OR6N1: variants seen among roughly 807,000 people sequenced by gnomAD.
The protein encoded by OR6N1 is olfactory receptor family 6 subfamily N member 1, also known as olfactory receptor 6N1.
For missense variants in OR6N1, 394 were observed against 371.7 expected, an observed-to-expected ratio of 1.06 and a Z score of -0.49; for synonymous variants, 170 against 150.7, an observed-to-expected ratio of 1.13 and a Z score of -0.94.
chr1:158,823,689 G>GT, the OR6N1 span, among the ~76,000 whole-genome samples: 4 of 150,858 alleles, frequency 2.7e-5, no homozygotes, highest in Non-Finnish European at 5.9e-5. Flanking sequence ...CTTTCATATG[G>GT]TTTTTTGTGT....
intron 1 of OR6N1, among the ~76,000 whole-genome samples, chr1:158,771,335 A>G (rs952539529): frequency 6.6e-6 from 1 of 152,180 alleles, no homozygotes; most frequent in African/African-American, 2.4e-5. Context: ...GAAACTTCAT[A>G]CCATGTCCTA....
the OR6N1 span, among the ~76,000 whole-genome samples, chr1:158,795,303 C>A: frequency 6.6e-6 from 1 of 152,166 alleles, no homozygotes; most frequent in African/African-American, 2.4e-5. Context: ...AAGACTTATG[C>A]CCCAAACCAT....
chr1:158,787,998 T>A, the OR6N1 span, among the ~76,000 whole-genome samples: 4 of 152,118 alleles, frequency 2.6e-5, no homozygotes, highest in Admixed American at 1.3e-4. Flanking sequence ...GTAAGGGCAG[T>A]GATCACAGTG....
At chr1:158,793,448 T>A in the OR6N1 span, among the ~76,000 whole-genome samples, 1 of 152,234 alleles carries the variant, frequency 6.6e-6, no homozygotes, top group African/African-American at 2.4e-5. Flanking sequence ...CTGAGTTTTT[T>A]AAATTTATAT....
chr1:158,834,250 T>TG, the OR6N1 span, among the ~76,000 whole-genome samples: 1 of 150,604 alleles, frequency 6.6e-6, no homozygotes, highest in Non-Finnish European at 1.5e-5. Context: ...TTTTTTTTTT[T>TG]GAGACGGAGT....
At chr1:158,822,829 A>G in the OR6N1 span, among the ~76,000 whole-genome samples, 1 of 152,134 alleles carries the variant, frequency 6.6e-6, no homozygotes, top group Non-Finnish European at 1.5e-5. Flanking sequence ...CATTTGGTAT[A>G]ATGTTGGCTG....
At chr1:158,766,796 A>G in intron 1 of OR6N1, 96 bp from the exon 2 acceptor site, 1 of 715,574 alleles carries the variant, frequency 1.4e-6, no homozygotes, top group East Asian at 2.7e-5. Flanking sequence ...CCCTTCTCTC[A>G]CCTCCAGAGT....
At chr1:158,804,697 T>G in the OR6N1 span, among the ~76,000 whole-genome samples, 1 of 152,186 alleles carries the variant, frequency 6.6e-6, no homozygotes, top group Non-Finnish European at 1.5e-5. Flanking sequence ...TATATTTATA[T>G]GTAATACATT....
chr1:158,783,043 G>A, the OR6N1 span, among the ~76,000 whole-genome samples: 14 of 152,118 alleles, frequency 9.2e-5, no homozygotes, highest in Non-Finnish European at 1.9e-4. Context: ...TTCCCTATTA[G>A]AGAACTGTAC....
At chr1:158,783,085 G>T in the OR6N1 span, among the ~76,000 whole-genome samples, 45 of 152,268 alleles carry the variant, frequency 3.0e-4, no homozygotes, top group Non-Finnish European at 6.0e-4. Context: ...ATGTAACTCT[G>T]CATTGTTCAA....
chr1:158,809,024 T>C, the OR6N1 span: 1 of 152,752 alleles, frequency 6.5e-6, no homozygotes. Flanking sequence ...CCCTAAGGAA[T>C]GAAAGACATA....
chr1:158,827,483 A>G, the OR6N1 span, among the ~76,000 whole-genome samples: 1 of 152,182 alleles, frequency 6.6e-6, no homozygotes, highest in Admixed American at 6.5e-5. Flanking sequence ...TTTGATAACT[A>G]ATACTTGAGA....
At chr1:158,815,770 G>A in the OR6N1 span, among the ~76,000 whole-genome samples, 1 of 152,066 alleles carries the variant, frequency 6.6e-6, no homozygotes, top group African/African-American at 2.4e-5. Context: ...GTATTCTCTG[G>A]AGAAGATCTT....
chr1:158,824,366 C>A, the OR6N1 span, among the ~76,000 whole-genome samples: 1 of 152,106 alleles, frequency 6.6e-6, no homozygotes, highest in African/African-American at 2.4e-5. Flanking sequence ...GTCCAATAAA[C>A]CTTTTTTTCT....
chr1:158,823,627 A>C, the OR6N1 span, among the ~76,000 whole-genome samples: 3 of 150,206 alleles, frequency 2.0e-5, 1 homozygote, highest in Admixed American at 2.0e-4. Flanking sequence ...CTAGCTAGCA[A>C]TCTATCTACA....
At chr1:158,789,886 G>A in the OR6N1 span, among the ~76,000 whole-genome samples, 1 of 152,060 alleles carries the variant, frequency 6.6e-6, no homozygotes, top group Non-Finnish European at 1.5e-5. Flanking sequence ...CTGTGCTTTT[G>A]AAGTCTTACA....
the OR6N1 span, among the ~76,000 whole-genome samples, chr1:158,813,618 T>A: frequency 6.6e-6 from 1 of 151,788 alleles, no homozygotes; most frequent in African/African-American, 2.4e-5. Context: ...GGGCAAATGG[T>A]CCTACAAGTT....
chr1:158,777,647 G>T, the OR6N1 span: 4 of 1,556,830 alleles, frequency 2.6e-6, no homozygotes, highest in African/African-American at 5.5e-5. Context: ...GGAGGCTGAG[G>T]TAAAGAAGGA....
At chr1:158,819,758 T>C in the OR6N1 span, among the ~76,000 whole-genome samples, 1 of 152,182 alleles carries the variant, frequency 6.6e-6, no homozygotes, top group Non-Finnish European at 1.5e-5. Flanking sequence ...CATCCACATA[T>C]ACATAGTACT....
Sources: gnomAD v4.1 joint callset for allele counts (sites outside exome capture counted in the v4.1 genomes callset) on GRCh38, gnomAD v4.1.1 for gene constraint, MANE v1.5 for transcripts, NCBI Gene and HGNC (gene_info 2026-07-23, HGNC 2026-07-21) for gene names.